Variants in FGF14 observed in about 807,000 individuals in gnomAD.
FGF14 encodes fibroblast growth factor homologous factor 4.
A neutral mutation model predicts 25.5 loss-of-function variants in FGF14; 5 were observed. That is an observed-to-expected ratio of 0.20 (90% CI 0.10 to 0.41). The LOEUF is 0.41. FGF14 is among the 10% of genes least tolerant of loss of function. FGF14 has a pLI of 1.00. For synonymous variants in FGF14, 138 were observed against 118.3 expected (o/e 1.17, Z -1.08); for missense variants, 222 against 320.1 (o/e 0.69, Z 2.34).
chr13:102,190,323 T>G (rs1207681852), intron 1 of FGF14, among the ~76,000 whole-genome samples: 1 of 152,214 alleles, frequency 6.6e-6, no homozygotes, highest in Non-Finnish European at 1.5e-5. Context: ...GAAACTATAT[T>G]AATGTGGTTA....
At chr13:102,268,932 G>C (rs1371956600) in intron 1 of FGF14, among the ~76,000 whole-genome samples, 1 of 152,188 alleles carries the variant, frequency 6.6e-6, no homozygotes, top group African/African-American at 2.4e-5. Context: ...TGAGAAGATA[G>C]AGATGTTATT....
intron 1 of FGF14, among the ~76,000 whole-genome samples, chr13:102,304,884 C>A (rs2055286498): frequency 6.6e-6 from 1 of 152,178 alleles, no homozygotes; most frequent in African/African-American, 2.4e-5. Flanking sequence ...TCACAAAAGA[C>A]TCTGAGCCTG....
At chr13:102,081,647 C>T (rs1308058726) in intron 1 of FGF14, among the ~76,000 whole-genome samples, 1 of 151,990 alleles carries the variant, frequency 6.6e-6, no homozygotes, top group Non-Finnish European at 1.5e-5. Context: ...TGACATTTTA[C>T]GAGTTTAAGA....
intron 1 of FGF14, among the ~76,000 whole-genome samples, chr13:101,905,223 A>C (rs753560306): frequency 2.6e-5 from 4 of 152,110 alleles, no homozygotes; most frequent in Non-Finnish European, 4.4e-5. Flanking sequence ...GAGGATTATA[A>C]ATTATTCTAC....
chr13:101,731,072 G>C (rs1359060123), intron 3 of FGF14, among the ~76,000 whole-genome samples: 1 of 152,134 alleles, frequency 6.6e-6, no homozygotes, highest in Non-Finnish European at 1.5e-5. Flanking sequence ...AGGGGCCACA[G>C]GGAAGCCTGT....
At chr13:101,941,889 T>C (rs958098909) in intron 1 of FGF14, among the ~76,000 whole-genome samples, 1 of 152,210 alleles carries the variant, frequency 6.6e-6, no homozygotes, top group African/African-American at 2.4e-5. Context: ...AGTTGCATCA[T>C]GGTAATCATT....
chr13:101,807,684 C>T lies in FGF14; in HGVS notation c.408+61041G>A, dbSNP rs567053224. ...TACTGAGTATATCCAATTTCTATAACAGGAAAGGTATACTTAATCTATATC... is the reference window on the plus strand; with the variant it reads ...TACTGAGTATATCCAATTTCTATAATAGGAAAGGTATACTTAATCTATATC... On this transcript the variant is annotated intron_variant, in intron 3 of 4. Transcript: ENST00000376143. Among the ~76,000 whole-genome samples, 3 of 152,038 alleles carry T rather than the reference C, an allele frequency of 2.0e-5. No homozygotes were observed. In the South Asian group the frequency reaches 6.2e-4, roughly 32 times the overall value.
chr13:102,205,505 T>C (rs1285618410), intron 1 of FGF14, among the ~76,000 whole-genome samples: 3 of 152,090 alleles, frequency 2.0e-5, no homozygotes, highest in African/African-American at 7.2e-5. Flanking sequence ...GATATTGTGC[T>C]ATGGGAGATG....
At chr13:102,384,872 C>T (rs1450991145) in intron 1 of FGF14, among the ~76,000 whole-genome samples, 1 of 152,074 alleles carries the variant, frequency 6.6e-6, no homozygotes, top group Non-Finnish European at 1.5e-5. Flanking sequence ...TAAAGGAAAA[C>T]TAAAAACAAA....
At chr13:102,341,716 A>C (rs1490675885) in intron 1 of FGF14, among the ~76,000 whole-genome samples, 1 of 149,034 alleles carries the variant, frequency 6.7e-6, no homozygotes, top group Non-Finnish European at 1.5e-5. Flanking sequence ...GCTGACATAC[A>C]GCTATGGTAT....
chr13:102,363,801 A>G (rs1209077698), intron 1 of FGF14, among the ~76,000 whole-genome samples: 1 of 152,180 alleles, frequency 6.6e-6, no homozygotes, highest in Non-Finnish European at 1.5e-5. Context: ...TCTTCCACAA[A>G]TGTATAGCCA....
intron 1 of FGF14, among the ~76,000 whole-genome samples, chr13:102,346,643 T>C (rs1188431603): frequency 6.6e-6 from 1 of 151,836 alleles, no homozygotes; most frequent in Non-Finnish European, 1.5e-5. Flanking sequence ...ACACATAACA[T>C]ATGCATATAT....
intron 1 of FGF14, among the ~76,000 whole-genome samples, chr13:102,009,474 A>C (rs9557784): frequency 0.32 from 48,135 of 151,906 alleles, 8,564 homozygotes; most frequent in East Asian, 0.73. Context: ...ACTTGTATTG[A>C]TATCTATACA....
In FGF14 at chr13:101,722,773, G is replaced by A; in HGVS notation, c.*58C>T. On this transcript the variant is annotated 3_prime_UTR_variant, in exon 5 of 5. Transcript: ENST00000376143. The stretch of plus-strand genomic sequence containing the variant: ...GCCACGGAGCAGGAATGTCTGGTGA[G>A]GATAAATCACTCAACTGTGCTCAGG... 3 of 1,609,242 alleles carry A rather than the reference G, an allele frequency of 1.9e-6. No homozygotes were observed. Among genetic ancestry groups the A allele is most frequent in the East Asian group, 2.2e-5 (1 of 44,820 alleles).
intron 1 of FGF14, among the ~76,000 whole-genome samples, chr13:101,965,724 G>GA (rs971276023): frequency 6.8e-6 from 1 of 146,464 alleles, no homozygotes; most frequent in East Asian, 2.0e-4. Context: ...AAAATCTAAA[G>GA]AAAAAAAGAT....
intron 1 of FGF14, among the ~76,000 whole-genome samples, chr13:102,039,470 A>G (rs977220775): frequency 2.0e-5 from 3 of 152,146 alleles, no homozygotes; most frequent in African/African-American, 7.2e-5. Flanking sequence ...TTGGTCCTAC[A>G]GCCTCTGAGG....
At chr13:102,319,738 A>G (rs1222784047) in intron 1 of FGF14, among the ~76,000 whole-genome samples, 1 of 152,218 alleles carries the variant, frequency 6.6e-6, no homozygotes, top group Non-Finnish European at 1.5e-5. Flanking sequence ...TAACTCTATC[A>G]GCTTATGCTG....
At chr13:102,157,742 G>A (rs2047414401) in intron 1 of FGF14, among the ~76,000 whole-genome samples, 1 of 152,152 alleles carries the variant, frequency 6.6e-6, no homozygotes, top group Non-Finnish European at 1.5e-5. Context: ...GCAACCTACA[G>A]AAAGGGAGAA....
chr13:101,847,665 C>T (rs2043536157), intron 3 of FGF14, among the ~76,000 whole-genome samples: 1 of 152,038 alleles, frequency 6.6e-6, no homozygotes. Context: ...AAACATTTAA[C>T]CCTTTCAGAG....
Sources: gnomAD v4.1 joint callset for allele counts (sites outside exome capture counted in the v4.1 genomes callset) on GRCh38, gnomAD v4.1.1 for gene constraint, MANE v1.5 for transcripts, NCBI Gene and HGNC (gene_info 2026-07-23, HGNC 2026-07-21) for gene names.